ABLIM1: variants seen among roughly 807,000 people sequenced by gnomAD.
The protein encoded by ABLIM1 is actin binding LIM protein 1.
Under a neutral mutation model 107.0 loss-of-function variants are expected in ABLIM1, and 40 were observed. That is an observed-to-expected ratio of 0.37 (90% CI 0.29 to 0.49). ABLIM1 has a LOEUF of 0.49. ABLIM1 is among the 20% of genes least tolerant of loss of function. The pLI, the probability that ABLIM1 is intolerant of heterozygous loss-of-function variation, is 0.97. For synonymous variants in ABLIM1, 357 were observed against 357.3 expected (o/e 1.00, Z 0.01); for missense variants, 857 against 1,008.5 (o/e 0.85, Z 2.04).
chr10:114,769,300 G>A (rs143716898), upstream of ABLIM1, among the ~76,000 whole-genome samples: 3,034 of 149,546 alleles, frequency 0.02, 74 homozygotes, highest in African/African-American at 0.062. Context: ...CCGAGATCAC[G>A]GCACTGCACT....
chr10:114,482,930 A>C (rs2057596437), intron 8 of ABLIM1, among the ~76,000 whole-genome samples: 1 of 152,220 alleles, frequency 6.6e-6, no homozygotes, highest in African/African-American at 2.4e-5. Context: ...ACTATTTAAC[A>C]GTATACTACT....
At chr10:114,529,236 T>C (rs138416692) in intron 6 of ABLIM1, among the ~76,000 whole-genome samples, 15,352 of 151,870 alleles carry the variant, frequency 0.1, 1,027 homozygotes, top group Middle Eastern at 0.25. Flanking sequence ...GCGATTCTCC[T>C]GCCTCAGCCT....
At chr10:114,610,454 T>A (rs1268531211) in intron 1 of ABLIM1, among the ~76,000 whole-genome samples, 1 of 152,194 alleles carries the variant, frequency 6.6e-6, no homozygotes, top group Non-Finnish European at 1.5e-5. Context: ...CTAGAATATT[T>A]TCTCTGCTTC....
intron 10 of ABLIM1, among the ~76,000 whole-genome samples, chr10:114,470,748 A>G (rs1305070234): frequency 2.0e-5 from 3 of 152,214 alleles, no homozygotes; most frequent in African/African-American, 7.2e-5. Flanking sequence ...AACTTCTAGC[A>G]TAGGTATTCT....
chr10:114,456,574 C>T (rs969727636), intron 12 of ABLIM1, among the ~76,000 whole-genome samples: 4 of 152,112 alleles, frequency 2.6e-5, no homozygotes, highest in Admixed American at 6.5e-5. Flanking sequence ...GGAAAGTTCT[C>T]GTAGGTTTTG....
intron 1 of ABLIM1, among the ~76,000 whole-genome samples, chr10:114,603,446 AG>A (rs2076179164): frequency 6.6e-6 from 1 of 152,120 alleles, no homozygotes; most frequent in Admixed American, 6.5e-5. Flanking sequence ...ATGGCCACAA[AG>A]ATACCAAGGT....
chr10:114,474,071 A>T, intron 8 of ABLIM1, 115 bp from the exon 9 acceptor site: 1 of 688,308 alleles, frequency 1.5e-6, no homozygotes, highest in South Asian at 2.0e-5. Context: ...AACACTTATC[A>T]CCTTTTTGAA....
upstream of ABLIM1, among the ~76,000 whole-genome samples, chr10:114,770,404 C>A (rs1398374779): frequency 6.6e-6 from 1 of 152,170 alleles, no homozygotes; most frequent in Non-Finnish European, 1.5e-5. Context: ...TCTAGCTACT[C>A]CCTACTCAAA....
At chr10:114,647,359 G>C (rs1329803725) in intron 1 of ABLIM1, among the ~76,000 whole-genome samples, 2 of 152,142 alleles carry the variant, frequency 1.3e-5, no homozygotes, top group African/African-American at 2.4e-5. Context: ...TGAAGATAGA[G>C]TCTGTGCCCT....
In ABLIM1 at chr10:114,541,899, A is replaced by AACAC. The variant is rs66907896; in HGVS notation, c.894+3102_894+3105dup. On this transcript the variant is annotated intron_variant, in intron 6 of 22. Coordinates refer to ENST00000533213, the MANE Select transcript of ABLIM1 (RefSeq NM_002313.7). ...TGTTGAGCTAAATCTGAAGGGAATCAACACACACACACACACACACACACT... is the reference window on the plus strand; with the variant it reads ...TGTTGAGCTAAATCTGAAGGGAATCAACACACACACACACACACACACACACACT... Among the ~76,000 whole-genome samples the AACAC allele has an allele frequency of 1.5e-3, 233 of 150,584 alleles. 1 individual carries two copies. The highest frequency in any genetic ancestry group is 6.6e-3 in the East Asian group (34 of 5,120).
intron 1 of ABLIM1, among the ~76,000 whole-genome samples, chr10:114,753,883 GCT>G (rs1311574996): frequency 2.0e-5 from 3 of 152,154 alleles, no homozygotes; most frequent in Admixed American, 6.5e-5. Context: ...ATGGAGTCAT[GCT>G]CTGTCGCCCA....
At chr10:114,529,226 G>C (rs2065195932) in intron 6 of ABLIM1, among the ~76,000 whole-genome samples, 1 of 151,544 alleles carries the variant, frequency 6.6e-6, no homozygotes, top group South Asian at 2.1e-4. Flanking sequence ...CCGGGTTCAA[G>C]CGATTCTCCT....
intron 8 of ABLIM1, among the ~76,000 whole-genome samples, chr10:114,483,028 G>A (rs1351625503): frequency 6.6e-6 from 1 of 152,184 alleles, no homozygotes; most frequent in Non-Finnish European, 1.5e-5. Flanking sequence ...TTTAAAGTGG[G>A]GACAATCTTT....
In ABLIM1 at chr10:114,447,954, T is replaced by C. The variant is rs548033591; in HGVS notation, c.1661A>G (p.Gln554Arg). 5.6e-6 allele frequency: 9 copies of C among 1,614,196 alleles called. No homozygotes were observed. In the African/African-American group the frequency reaches 8.0e-5, roughly 14 times the overall value. ...IIKFSKFPAAQAPDPSETPKI... is the reference protein window; with the variant it reads ...IIKFSKFPAARAPDPSETPKI... ...TGGTGTCTCGCTGGGGTCTGGTGCC[T>C]GGGCTGCTGGGAACTTGGAAAACTT... is the stretch of plus-strand genomic sequence containing the variant. Residue 554 changes from glutamine to arginine, a missense_variant, in exon 15 of 23, where the codon CAG becomes CGG. Around this residue, in one of 5 missense-constraint regions of ABLIM1, gnomAD observed 103 missense variants for 101.0 expected, o/e 1.02. Transcript: ENST00000533213.
chr10:114,644,306 A>ATATATATATAT (rs1555214864), intron 1 of ABLIM1, among the ~76,000 whole-genome samples: 3 of 52,252 alleles, frequency 5.7e-5, no homozygotes, highest in African/African-American at 9.2e-5. Context: ...AAAAAAAAAA[A>ATATATATATAT]ATATATATAT....
At chr10:114,685,580 C>G (rs1252918195), upstream of ABLIM1, among the ~76,000 whole-genome samples, 1 of 152,190 alleles carries the variant, frequency 6.6e-6, no homozygotes, top group Admixed American at 6.5e-5. Flanking sequence ...CTGGTCCAGG[C>G]TACTGCCTGG....
chr10:114,581,454 C>T (rs1376148980), intron 2 of ABLIM1, among the ~76,000 whole-genome samples: 1 of 152,186 alleles, frequency 6.6e-6, no homozygotes, highest in African/African-American at 2.4e-5. Context: ...ACCTAAAACT[C>T]TACCCAATGG....
intron 1 of ABLIM1, among the ~76,000 whole-genome samples, chr10:114,638,924 C>CAAG (rs1202286859): frequency 6.6e-6 from 1 of 152,166 alleles, no homozygotes; most frequent in Non-Finnish European, 1.5e-5. Flanking sequence ...AGCAAGACTT[C>CAAG]AAAAGTGCAG....
intron 1 of ABLIM1, among the ~76,000 whole-genome samples, chr10:114,748,010 A>G (rs1421619396): frequency 6.6e-6 from 1 of 152,222 alleles, no homozygotes; most frequent in African/African-American, 2.4e-5. Flanking sequence ...ATCGCACTCC[A>G]GCCTGGGTGA....
Sources: allele counts gnomAD v4.1 joint callset (sites outside exome capture counted in the v4.1 genomes callset), GRCh38; gene constraint gnomAD v4.1.1; regional missense constraint gnomAD v4.1.1; transcripts MANE v1.5; gene names NCBI Gene and HGNC (gene_info 2026-07-23, HGNC 2026-07-21).